Variants in TGFBI observed in about 807,000 individuals in gnomAD.
TGFBI encodes the protein transforming growth factor beta induced, also known as transforming growth factor-beta-induced protein ig-h3.
A neutral mutation model predicts 73.7 loss-of-function variants in TGFBI; 50 were observed. The observed-to-expected ratio is 0.68, with a 90% CI of 0.54 to 0.86. The LOEUF is 0.86. Ranked by LOEUF, TGFBI falls within the 40% of genes least tolerant of loss-of-function variation. The pLI is 0.00. For synonymous variants in TGFBI, 362 were observed against 360.5 expected (o/e 1.00, Z -0.05); for missense variants, 839 against 877.0 (o/e 0.96, Z 0.55).
chr5:136,056,734 C>G lies in TGFBI; in HGVS notation c.1617C>G (p.Val539=). The change falls in exon 12 of 17, where the codon GTC becomes GTG. Residue 539 remains valine (V), a synonymous_variant. Coordinates refer to ENST00000442011, the MANE Select transcript of TGFBI (RefSeq NM_000358.3). ...ETLNREGVYT[V]FAPTNEAFRA... is the part of the protein sequence containing the mutation. ...TCAACCGGGAAGGAGTCTACACAGT[C>G]TTTGCTCCCACAAATGAAGCCTTCC... The G allele has an allele frequency of 6.2e-7, 1 of 1,613,962 alleles. No individual in the cohort carries two copies. The highest frequency in any genetic ancestry group is 2.2e-5 in the East Asian group (1 of 44,874).
chr5:136,054,969 T>C, intron 10 of TGFBI, 108 bp downstream of exon 10: 1 of 1,332,330 alleles, frequency 7.5e-7, no homozygotes, highest in Non-Finnish European at 1.0e-6. Flanking sequence ...TGAGAACTGG[T>C]TGCTGACAAG....
intron 1 of TGFBI, 118 bp from the exon 2 acceptor site, chr5:136,033,645 G>A (rs1002941380): frequency 7.7e-6 from 6 of 777,756 alleles, no homozygotes; most frequent in Non-Finnish European, 1.1e-5. Flanking sequence ...AGACTGAAAT[G>A]ACTCTCTCCT....
At chr5:136,049,209 G>A (rs1293282941) in intron 6 of TGFBI, 2 of 493,628 alleles carry the variant, frequency 4.1e-6, no homozygotes. Context: ...GGCAGGAAGA[G>A]GAAAGGCAGG....
rs986900139 is a variant in TGFBI, at chr5:136,056,854, C to T, written c.1678+59C>T. 38 of 1,539,480 alleles carry T rather than the reference C, an allele frequency of 2.5e-5. No individual in the cohort carries two copies. In the African/African-American group the frequency reaches 5.2e-4, roughly 21 times the overall value. On this transcript the variant is annotated intron_variant, in intron 12 of 16. Transcript: ENST00000442011. ...TCTAAAGTAGTGATCCCTCAGGGCC[C>T]CAGCAGCAAACAGTTGGCACATCAA...
At chr5:136,036,628 C>T (rs532411469) in intron 2 of TGFBI, among the ~76,000 whole-genome samples, 1 of 152,138 alleles carries the variant, frequency 6.6e-6, no homozygotes, top group East Asian at 1.9e-4. Flanking sequence ...GAATTCAGTG[C>T]CATGGGTGGT....
intron 7 of TGFBI, among the ~76,000 whole-genome samples, chr5:136,052,255 T>C (rs1340436833): frequency 6.6e-6 from 1 of 152,270 alleles, no homozygotes. Flanking sequence ...TTACTATTTA[T>C]GGGTGTGGTG....
rs369362360 is a variant in TGFBI, at chr5:136,047,327, C to T, written c.678C>T (p.Asn226=). The change falls in exon 6 of 17, where the codon AAC becomes AAT. Residue 226 remains asparagine, a synonymous_variant. Coordinates refer to ENST00000442011, the MANE Select transcript of TGFBI (RefSeq NM_000358.3). The stretch of plus-strand genomic sequence containing the variant: ...TGAAAGCCGACCACCATGCAACCAA[C>T]GGGGTGGTGCACCTCATCGATAAGG... ...RLLKADHHAT[N]GVVHLIDKVI... The T allele has an allele frequency of 5.4e-4, 879 of 1,613,864 alleles. 2 individuals are homozygous for T. The highest frequency in any genetic ancestry group is 1.8e-3 in the Middle Eastern group (11 of 6,060).
rs1751450789 is a variant in TGFBI, at chr5:136,047,383, A to G, written c.734A>G (p.Gln245Arg). 1 of 1,613,796 alleles carries G rather than the reference A, an allele frequency of 6.2e-7. No individual in the cohort carries two copies. Among genetic ancestry groups the G allele is most frequent in the Non-Finnish European group, 8.5e-7 (1 of 1,179,882 alleles). ...TCCACCATCACCAACAACATCCAGC[A>G]GATCATTGAGATCGAGGACACCTTT... ...VISTITNNIQQIIEIEDTFET... is the reference protein window; with the variant it reads ...VISTITNNIQRIIEIEDTFET... The change falls in exon 6 of 17, where the codon CAG becomes CGG. Residue 245 changes from glutamine (Q) to arginine (R), a missense_variant. Gln to Arg is a conservative substitution (Grantham distance 43, BLOSUM62 1). Transcript: ENST00000442011.
intron 7 of TGFBI, among the ~76,000 whole-genome samples, chr5:136,052,014 T>C (rs1360723781): frequency 6.6e-6 from 1 of 152,210 alleles, no homozygotes; most frequent in Non-Finnish European, 1.5e-5. Context: ...ATATGGGACA[T>C]AGAGCCTCGG....
At chr5:136,042,145 A>G (rs1751352345) in intron 2 of TGFBI, among the ~76,000 whole-genome samples, 1 of 152,222 alleles carries the variant, frequency 6.6e-6, no homozygotes, top group Non-Finnish European at 1.5e-5. Context: ...GGAATTTATC[A>G]CAGAAAGCCT....
In TGFBI at chr5:136,033,784, G is replaced by A. The variant is rs56099530; in HGVS notation, c.156G>A (p.Gln52=). 6.2e-7 allele frequency: 1 copy of A among 1,613,986 alleles called. No homozygotes were observed. The highest frequency in any genetic ancestry group is 8.5e-7 in the Non-Finnish European group (1 of 1,179,876). ...RQHGPNVCAV[Q]KVIGTNRKYF... is the part of the protein sequence containing the mutation. ...TCAGCCCCAACGTGTGTGCTGTGCAGAAGGTTATTGGCACTAATAGGAAGT... is the reference window on the plus strand; with the variant it reads ...TCAGCCCCAACGTGTGTGCTGTGCAAAAGGTTATTGGCACTAATAGGAAGT... The change falls in exon 2 of 17, where the codon CAG becomes CAA. Residue 52 remains glutamine (Q), a synonymous_variant. Coordinates refer to ENST00000442011, the MANE Select transcript of TGFBI (RefSeq NM_000358.3).
In TGFBI at chr5:136,052,939, A is replaced by T. The variant is rs779237998; in HGVS notation, c.946A>T (p.Met316Leu). 3.7e-6 allele frequency: 6 copies of T among 1,613,884 alleles called. No individual in the cohort carries two copies. The South Asian group carries it at 4.4e-5, about 12-fold the overall frequency. Residue 316 changes from methionine (M) to leucine (L), a missense_variant, in exon 8 of 17, where the codon ATG becomes TTG. Physicochemically the swap from Met to Leu is conservative, Grantham distance 15. Coordinates refer to ENST00000442011, the MANE Select transcript of TGFBI (RefSeq NM_000358.3). Reference protein sequence around the residue: ...LLNNHILKSAMCAEAIVAGLS... With the variant: ...LLNNHILKSALCAEAIVAGLS... ...GAACAACCACATCTTGAAGTCAGCT[A>T]TGTGTGCTGAAGCCATCGTTGCGGG...
chr5:136,053,586 A>G (rs1057134043), intron 8 of TGFBI, among the ~76,000 whole-genome samples: 2 of 152,232 alleles, frequency 1.3e-5, no homozygotes, highest in African/African-American at 4.8e-5. Context: ...ACAGGAAAAA[A>G]CAAAATGCTT....
In TGFBI at chr5:136,052,965, G is replaced by A; in HGVS notation, c.972G>A (p.Gly324=). 1 of 1,614,058 alleles carries A rather than the reference G, an allele frequency of 6.2e-7. No individual in the cohort carries two copies. Among genetic ancestry groups the A allele is most frequent in the Non-Finnish European group, 8.5e-7 (1 of 1,179,906 alleles). ...TGTGTGCTGAAGCCATCGTTGCGGG[G>A]CTGTCTGTAGAGACCCTGGAGGGCA... The part of the protein sequence containing the change: ...SAMCAEAIVA[G]LSVETLEGTT... Residue 324 remains glycine, a synonymous_variant, in exon 8 of 17, where the codon GGG becomes GGA. Coordinates refer to ENST00000442011, the MANE Select transcript of TGFBI (RefSeq NM_000358.3).
intron 1 of TGFBI, among the ~76,000 whole-genome samples, chr5:136,030,859 C>T (rs984274169): frequency 2.0e-5 from 3 of 152,192 alleles, no homozygotes; most frequent in Non-Finnish European, 2.9e-5. Flanking sequence ...AAGGGCATCT[C>T]TCTGCACAGC....
At chr5:136,046,185 C>A (rs916175606) in intron 3 of TGFBI, 150 bp from the exon 4 acceptor site, 2 of 815,906 alleles carry the variant, frequency 2.5e-6, no homozygotes, top group East Asian at 2.7e-5. Context: ...AAGCCTTAAG[C>A]CCCCCAGAAA....
At position 136,053,093 on chromosome 5, in the gene TGFBI, T is replaced by C. The variant is rs1322799994; in HGVS notation, c.1100T>C (p.Ile367Thr). ...GCCACCAACGGGGTGATCCACTACA[T>C]TGATGAGCTACTCATCCCAGACTCA... is the stretch of plus-strand genomic sequence containing the variant. ...ILATNGVIHY[I>T]DELLIPDSAK... The change falls in exon 8 of 17, where the codon ATT (isoleucine) becomes ACT (threonine). Residue 367 changes from isoleucine (I) to threonine (T), a missense_variant. Transcript: ENST00000442011. The C allele has an allele frequency of 3.1e-6, 5 of 1,613,938 alleles. No individual in the cohort carries two copies. The Admixed American group carries it at 5.0e-5, about 16-fold the overall frequency.
chr5:136,054,146 C>T, intron 9 of TGFBI, 66 bp downstream of exon 9: 1 of 1,573,788 alleles, frequency 6.4e-7, no homozygotes, highest in Non-Finnish European at 8.7e-7. Context: ...CTGTCACCTC[C>T]ACAACACTCT....
chr5:136,035,499 C>T (rs1229036327), intron 2 of TGFBI, among the ~76,000 whole-genome samples: 1 of 151,776 alleles, frequency 6.6e-6, no homozygotes, highest in Non-Finnish European at 1.5e-5. Context: ...GTGGCGGGCA[C>T]CTGTAGTCCC....
Sources: gnomAD v4.1 joint callset for allele counts (sites outside exome capture counted in the v4.1 genomes callset) on GRCh38, gnomAD v4.1.1 for gene constraint, MANE v1.5 for transcripts, NCBI Gene and HGNC (gene_info 2026-07-23, HGNC 2026-07-21) for gene names.